The following TIMMDC1 variants were observed in gnomAD, a reference collection of about 807,000 sequenced individuals.
TIMMDC1 encodes complex I assembly factor TIMMDC1, mitochondrial.
Under a neutral mutation model 32.6 loss-of-function variants are expected in TIMMDC1, and 25 were observed. The ratio of observed to expected loss-of-function variants is 0.77; its 90% CI spans 0.56 to 1.07. TIMMDC1 has a LOEUF of 1.07. Among genes scored for constraint, TIMMDC1 ranks in the 50% least tolerant of loss-of-function variants. The probability of loss-of-function intolerance (pLI) is 0.00; values close to 1 mark genes in which losing one functional copy is unlikely to be tolerated. For missense variants in TIMMDC1, 329 were observed against 349.2 expected (o/e 0.94, Z 0.46); for synonymous variants, 130 against 127.6 (o/e 1.02, Z -0.13).
At chr3:119,509,846 C>T (rs776959208) in intron 4 of TIMMDC1, among the ~76,000 whole-genome samples, 9 of 151,972 alleles carry the variant, frequency 5.9e-5, no homozygotes, top group South Asian at 2.1e-4. Context: ...CCACCATACC[C>T]GGCTAATTTT....
In TIMMDC1 at chr3:119,503,549, T is replaced by C. The variant is rs376952884; in HGVS notation, c.378T>C (p.Ala126=). The change falls in exon 3 of 7, where the codon GCT becomes GCC. Residue 126 remains alanine, a synonymous_variant. Transcript: ENST00000494664. ...RFDAVQSAHR[A]ATRGFIRYGW... is the part of the protein sequence containing the mutation. ...AACTTTAGCAATCTGCACATCGTGC[T>C]GCCACACGAGGCTTCATTCGTTATG... The C allele has an allele frequency of 1.2e-6, 2 of 1,610,798 alleles. No homozygotes were observed. Among genetic ancestry groups the C allele is most frequent in the Non-Finnish European group, 1.7e-6 (2 of 1,179,042 alleles).
chr3:119,524,231 A>G lies in TIMMDC1; in HGVS notation c.*475A>G, dbSNP rs2082050531. On this transcript the variant is annotated 3_prime_UTR_variant, in exon 7 of 7. Coordinates refer to ENST00000494664, the MANE Select transcript of TIMMDC1 (RefSeq NM_016589.4). ...TGTAGTGTTTGGTTTCATCTAAATA[A>G]ACAAAGATGATTTCTTTGACACTTG... 6.6e-6 allele frequency: 1 copy of G among 152,288 alleles called. No individual in the cohort carries two copies. Among genetic ancestry groups the G allele is most frequent in the African/African-American group, 2.4e-5 (1 of 41,448 alleles). The allele number at this position is 152,288 out of a possible 1,614,324, so 9.4% of individuals were successfully genotyped here.
chr3:119,520,682 C>T (rs910807849), intron 6 of TIMMDC1, among the ~76,000 whole-genome samples: 1 of 152,178 alleles, frequency 6.6e-6, no homozygotes, highest in Admixed American at 6.5e-5. Context: ...GACCAATTCT[C>T]AAACTGTTCC....
chr3:119,521,696 A>T (rs1358119418), intron 6 of TIMMDC1, among the ~76,000 whole-genome samples: 1 of 112,262 alleles, frequency 8.9e-6, no homozygotes. Context: ...CTGTCTCTTT[A>T]AAAAAAAAAA....
rs2081867374 is a variant in TIMMDC1, at chr3:119,500,702, C to A, written c.202C>A (p.Gln68Lys). The change falls in exon 2 of 7, where the codon CAG becomes AAG. Residue 68 changes from glutamine (Q) to lysine (K), a missense_variant. Transcript: ENST00000494664. ...GTCTTTTTGATGTTGTAGTGAACAGCAGAGAATTTCAAAGGACCTTGCTAA... is the reference window on the plus strand; with the variant it reads ...GTCTTTTTGATGTTGTAGTGAACAGAAGAGAATTTCAAAGGACCTTGCTAA... Reference protein sequence around the residue: ...LRELFGKDEQQRISKDLANIC... With the variant: ...LRELFGKDEQKRISKDLANIC... The A allele has an allele frequency of 1.2e-6, 2 of 1,612,586 alleles. No individual in the cohort carries two copies. The highest frequency in any genetic ancestry group is 4.5e-5 in the East Asian group (2 of 44,854).
At chr3:119,499,015 C>CATCCTTGGTGTCCT in intron 1 of TIMMDC1, 88 bp downstream of exon 1, 2 of 1,073,506 alleles carry the variant, frequency 1.9e-6, no homozygotes, top group Non-Finnish European at 2.8e-6. Flanking sequence ...CTTAGGACAC[C>CATCCTTGGTGTCCT]AAGGATGGTG....
intron 3 of TIMMDC1, among the ~76,000 whole-genome samples, 164 bp from the exon 4 acceptor site, chr3:119,503,790 G>C (rs557989885): frequency 6.6e-6 from 1 of 150,692 alleles, no homozygotes; most frequent in Admixed American, 6.6e-5. Flanking sequence ...GTGTAGTTAT[G>C]GTTTTACAAC....
At position 119,503,586 on chromosome 3, in the gene TIMMDC1, G is replaced by A. The variant is rs752752459; in HGVS notation, c.415G>A (p.Gly139Ser). Residue 139 changes from glycine to serine, a missense_variant, in exon 3 of 7, where the codon GGT (glycine) becomes AGT (serine). Physicochemically the swap from Gly to Ser is moderately conservative, Grantham distance 56 (BLOSUM62 0). Coordinates refer to ENST00000494664, the MANE Select transcript of TIMMDC1 (RefSeq NM_016589.4). The part of the protein sequence containing the change: ...RGFIRYGWRW[G>S]WRTAVFVTIF... ...CTTCATTCGTTATGGCTGGCGCTGG[G>A]GTTGGAGAACTGCAGTGTTTGTGAC... 4.3e-6 allele frequency: 7 copies of A among 1,612,188 alleles called. No homozygotes were observed. The highest frequency in any genetic ancestry group is 5.9e-6 in the Non-Finnish European group (7 of 1,179,464).
Position 119,517,228 on chromosome 3 carries a change from T to C in TIMMDC1, c.620T>C (p.Met207Thr), listed in dbSNP as rs756524330. The C allele has an allele frequency of 3.1e-6, 5 of 1,613,554 alleles. No individual in the cohort carries two copies. The highest frequency in any genetic ancestry group is 2.2e-5 in the South Asian group (2 of 91,068). The change falls in exon 6 of 7, where the codon ATG becomes ACG. Residue 207 changes from methionine to threonine, a missense_variant. Transcript: ENST00000494664. ...AGCACTCCTGTAGGAGGCCTGCTGA[T>C]GGCATTTCAGAAGTACTCTGGTGAG... ...LLGTPVGGLL[M>T]AFQKYSGETV...
intron 4 of TIMMDC1, among the ~76,000 whole-genome samples, chr3:119,510,406 A>G (rs150377289): frequency 1.1e-3 from 163 of 152,336 alleles, no homozygotes; most frequent in Non-Finnish European, 2.0e-3. Context: ...AAGCAATTCA[A>G]ATCAAAATTA....
At chr3:119,522,052 AC>A (rs1401057289) in intron 6 of TIMMDC1, among the ~76,000 whole-genome samples, 98 of 152,318 alleles carry the variant, frequency 6.4e-4, no homozygotes, top group Admixed American at 6.4e-3. Context: ...AATCTTCCCT[AC>A]TAGGTATTTA....
intron 2 of TIMMDC1, 73 bp from the exon 3 acceptor site, chr3:119,503,459 C>A: frequency 8.7e-7 from 1 of 1,147,564 alleles, no homozygotes; most frequent in South Asian, 1.6e-5. Flanking sequence ...AGCTAAAATT[C>A]CTCTACCGCA....
intron 1 of TIMMDC1, 154 bp downstream of exon 1, chr3:119,499,081 CTT>C: frequency 1.9e-6 from 1 of 524,894 alleles, no homozygotes; most frequent in South Asian, 2.5e-5. Flanking sequence ...AAGCTTGTAT[CTT>C]TTTTCTTTCT....
chr3:119,507,468 T>G (rs2081925316), intron 4 of TIMMDC1, among the ~76,000 whole-genome samples: 2 of 152,224 alleles, frequency 1.3e-5, no homozygotes, highest in African/African-American at 2.4e-5. Flanking sequence ...GTTTTTAAAT[T>G]TGTTTTATCG....
intron 2 of TIMMDC1, among the ~76,000 whole-genome samples, chr3:119,502,759 C>T (rs1445978847): frequency 6.6e-6 from 1 of 151,912 alleles, no homozygotes; most frequent in Non-Finnish European, 1.5e-5. Context: ...CAGGATCTCG[C>T]TATGTTGCCC....
intron 4 of TIMMDC1, among the ~76,000 whole-genome samples, chr3:119,511,070 T>TA: frequency 6.6e-6 from 1 of 152,206 alleles, no homozygotes; most frequent in East Asian, 1.9e-4. Flanking sequence ...TTTATGCACT[T>TA]AAAGACATAC....
rs13321331 is a variant in TIMMDC1 at position 119,510,864 on chromosome 3, G to A, written c.518-2777G>A. 2.3e-3 allele frequency among the ~76,000 whole-genome samples: 347 copies of A among 152,308 alleles called. 1 individual carries two copies. Among genetic ancestry groups the A allele is most frequent in the African/African-American group, 7.7e-3 (320 of 41,564 alleles). On this transcript the variant is annotated intron_variant, in intron 4 of 6. Coordinates refer to ENST00000494664, the MANE Select transcript of TIMMDC1 (RefSeq NM_016589.4). ...GATATATAAATGTGTACATATACAA[G>A]TTGACCTTTGGACAACACTGAAAAC...
intron 4 of TIMMDC1, among the ~76,000 whole-genome samples, chr3:119,510,256 A>T (rs2081944834): frequency 6.6e-6 from 1 of 152,088 alleles, no homozygotes; most frequent in South Asian, 2.1e-4. Flanking sequence ...TCTTAATAAT[A>T]GTACTAAGAA....
chr3:119,504,121 C>T (rs1009189184), intron 4 of TIMMDC1, 100 bp downstream of exon 4: 1 of 847,924 alleles, frequency 1.2e-6, no homozygotes, highest in South Asian at 1.5e-5. Context: ...TGGTTGGCTT[C>T]CCATTACATC....
Sources: allele counts gnomAD v4.1 joint callset (sites outside exome capture counted in the v4.1 genomes callset), GRCh38; gene constraint gnomAD v4.1.1; transcripts MANE v1.5; gene names NCBI Gene and HGNC (gene_info 2026-07-23, HGNC 2026-07-21).